The following FLVCR2 variants were observed in gnomAD, a reference collection of about 807,000 sequenced individuals.
The protein encoded by FLVCR2 is choline/ethanolamine transporter FLVCR2.
Under a neutral mutation model 48.9 loss-of-function variants are expected in FLVCR2, and 38 were observed. The ratio of observed to expected loss-of-function variants is 0.78; its 90% CI spans 0.60 to 1.02. The LOEUF (loss-of-function observed/expected upper bound fraction) is 1.02. Ranked by LOEUF, FLVCR2 falls within the 50% of genes least tolerant of loss-of-function variation. The probability of loss-of-function intolerance (pLI) is 0.00; values close to 1 mark genes in which losing one functional copy is unlikely to be tolerated. For missense variants in FLVCR2, 664 were observed against 663.3 expected, an observed-to-expected ratio of 1.00 and a Z score of -0.01; for synonymous variants, 255 against 257.0, an observed-to-expected ratio of 0.99 and a Z score of 0.07.
chr14:75,615,755 C>T (rs1277755359), intron 1 of FLVCR2, among the ~76,000 whole-genome samples: 1 of 151,576 alleles, frequency 6.6e-6, no homozygotes, highest in African/African-American at 2.4e-5. Flanking sequence ...CGTCATGGCT[C>T]ATGCCTATAA....
chr14:75,601,630 C>CA (rs1425662001), intron 1 of FLVCR2, among the ~76,000 whole-genome samples: 1 of 152,020 alleles, frequency 6.6e-6, no homozygotes, highest in Non-Finnish European at 1.5e-5. Context: ...TGAAGCACCT[C>CA]AAAAAAATTA....
chr14:75,607,093 T>C (rs1238171543), intron 1 of FLVCR2, among the ~76,000 whole-genome samples: 1 of 152,160 alleles, frequency 6.6e-6, no homozygotes, highest in Non-Finnish European at 1.5e-5. Context: ...ATAGAAGCCA[T>C]GGAAGCTGGA....
chr14:75,597,331 G>A (rs548848482), intron 1 of FLVCR2, among the ~76,000 whole-genome samples: 1 of 151,536 alleles, frequency 6.6e-6, no homozygotes, highest in South Asian at 2.1e-4. Flanking sequence ...AGACTTCTGG[G>A]AAAGGTTGCA....
At chr14:75,590,022 T>C (rs1017672602) in intron 1 of FLVCR2, among the ~76,000 whole-genome samples, 2 of 152,224 alleles carry the variant, frequency 1.3e-5, no homozygotes, top group African/African-American at 4.8e-5. Flanking sequence ...AAGAGATTTA[T>C]TCAGCTCATG....
At chr14:75,590,670 G>A (rs1186603726) in intron 1 of FLVCR2, among the ~76,000 whole-genome samples, 1 of 152,140 alleles carries the variant, frequency 6.6e-6, no homozygotes, top group Non-Finnish European at 1.5e-5. Context: ...TGTTTAAAGA[G>A]TACAGGACAT....
chr14:75,632,819 T>C, intron 3 of FLVCR2: 1 of 702,180 alleles, frequency 1.4e-6, no homozygotes, highest in South Asian at 1.5e-5. Context: ...CTTTATTATC[T>C]CTAAAATGGT....
chr14:75,597,032 A>G (rs1889040151), intron 1 of FLVCR2, among the ~76,000 whole-genome samples: 1 of 152,192 alleles, frequency 6.6e-6, no homozygotes, highest in African/African-American at 2.4e-5. Flanking sequence ...CTGTAATCCC[A>G]GCACTTTGGG....
At chr14:75,633,334 C>T (rs893152899) in intron 3 of FLVCR2, among the ~76,000 whole-genome samples, 1 of 152,140 alleles carries the variant, frequency 6.6e-6, no homozygotes, top group Non-Finnish European at 1.5e-5. Context: ...GATGACTCTG[C>T]CCTGGGAGTA....
chr14:75,587,085 A>G (rs907521457), intron 1 of FLVCR2, among the ~76,000 whole-genome samples: 5 of 152,138 alleles, frequency 3.3e-5, no homozygotes, highest in African/African-American at 9.7e-5. Flanking sequence ...TCTATTAAAT[A>G]CCCACTATTA....
At chr14:75,641,820 C>A (rs1199754262) in intron 8 of FLVCR2, 23 bp from the exon 9 acceptor site, 2 of 1,608,632 alleles carry the variant, frequency 1.2e-6, no homozygotes, top group Non-Finnish European at 1.7e-6. Context: ...TGTCTCTCTT[C>A]CTTCTCAATC....
At position 75,579,165 on chromosome 14, in the gene FLVCR2, G is replaced by A; in HGVS notation, c.193G>A (p.Ala65Thr). 1.9e-6 allele frequency: 3 copies of A among 1,614,034 alleles called. No individual in the cohort carries two copies. The highest frequency in any genetic ancestry group is 2.5e-6 in the Non-Finnish European group (3 of 1,180,036). The change falls in exon 1 of 10, where the codon GCT (alanine) becomes ACT (threonine). Residue 65 changes from alanine to threonine, a missense_variant. By Grantham distance (58) the Ala-to-Thr change is moderately conservative. Coordinates refer to ENST00000238667, the MANE Select transcript of FLVCR2 (RefSeq NM_017791.3). ...PSALAQPSGL[A>T]HPSSSGPEDL... ...TGCCTTAGCCCAACCCAGTGGCTTG[G>A]CTCACCCCAGTAGCTCGGGCCCTGA... is the stretch of plus-strand genomic sequence containing the variant.
intron 1 of FLVCR2, among the ~76,000 whole-genome samples, chr14:75,588,929 C>T (rs1157045499): frequency 6.6e-6 from 1 of 152,126 alleles, no homozygotes; most frequent in South Asian, 2.1e-4. Flanking sequence ...ACTCAAATGC[C>T]CAAATTCTAG....
intron 4 of FLVCR2, 130 bp from the exon 5 acceptor site, chr14:75,634,780 G>A (rs968858644): frequency 1.6e-5 from 11 of 684,152 alleles, no homozygotes; most frequent in South Asian, 3.2e-5. Context: ...ATCTTGTCCC[G>A]ATATGTTCTG....
At chr14:75,633,717 T>G in intron 4 of FLVCR2, 21 bp downstream of exon 4, 1 of 1,585,612 alleles carries the variant, frequency 6.3e-7, no homozygotes. Flanking sequence ...TCCCTAAGCA[T>G]GTTGGGCCTC....
intron 3 of FLVCR2, among the ~76,000 whole-genome samples, chr14:75,625,894 A>G (rs1273720844): frequency 2.0e-5 from 3 of 152,058 alleles, no homozygotes; most frequent in Non-Finnish European, 4.4e-5. Flanking sequence ...AACTAAACTC[A>G]AAGTGGCCAA....
intron 1 of FLVCR2, 151 bp from the exon 2 acceptor site, chr14:75,621,928 C>G (rs137991637): frequency 3.5e-6 from 3 of 854,850 alleles, no homozygotes; most frequent in Non-Finnish European, 6.0e-6. Context: ...AAAGATTTCT[C>G]TGGTGTTTTG....
chr14:75,618,148 C>T (rs561320272), intron 1 of FLVCR2, among the ~76,000 whole-genome samples: 1 of 152,218 alleles, frequency 6.6e-6, no homozygotes, highest in South Asian at 2.1e-4. Context: ...TTAAGCAGGA[C>T]GTTTTCCAAA....
At chr14:75,632,753 G>A (rs1890076200) in intron 3 of FLVCR2, 6 of 702,292 alleles carry the variant, frequency 8.5e-6, no homozygotes, top group Non-Finnish European at 1.6e-5. Context: ...AAGTTAGAAA[G>A]ACCCCCGGTG....
intron 1 of FLVCR2, among the ~76,000 whole-genome samples, chr14:75,584,476 AG>A (rs1334448780): frequency 3.9e-5 from 6 of 152,340 alleles, no homozygotes; most frequent in Admixed American, 1.3e-4. Context: ...GTTGCTGCCA[AG>A]CGGGCCATGA....
Sources: gnomAD v4.1 joint callset for allele counts (sites outside exome capture counted in the v4.1 genomes callset) on GRCh38, gnomAD v4.1.1 for gene constraint, MANE v1.5 for transcripts, NCBI Gene and HGNC (gene_info 2026-07-23, HGNC 2026-07-21) for gene names.